The following PRKAR1B variants were observed in gnomAD, a reference collection of about 807,000 sequenced individuals.
PRKAR1B encodes protein kinase cAMP-dependent type I regulatory subunit beta, also known as cAMP-dependent protein kinase type I-beta regulatory subunit.
PRKAR1B carries 22 observed loss-of-function variants against 46.5 expected under a neutral mutation model. The ratio of observed to expected loss-of-function variants is 0.47; its 90% CI spans 0.34 to 0.68. The LOEUF is 0.68. Among genes scored for constraint, PRKAR1B ranks in the 30% least tolerant of loss-of-function variants. PRKAR1B has a pLI of 0.01. For missense variants in PRKAR1B, 445 were observed against 535.6 expected (o/e 0.83, Z 1.67); for synonymous variants, 259 against 217.7 (o/e 1.19, Z -1.67).
chr7:590,460 C>G lies in PRKAR1B; in HGVS notation c.708+5686G>C, dbSNP rs568927699. Among the ~76,000 whole-genome samples the G allele has an allele frequency of 2.0e-5, 3 of 152,332 alleles. No homozygotes were observed. The East Asian group carries it at 5.8e-4, about 29-fold the overall frequency. ...GTGCCCAGTCCAGGGGACCAAGAGA[C>G]CAGCAGGGTGGGGGCGGGGCCCCGA... On this transcript the variant is annotated intron_variant, in intron 7 of 10. Coordinates refer to ENST00000537384, the MANE Select transcript of PRKAR1B (RefSeq NM_001164760.2).
intron 9 of PRKAR1B, among the ~76,000 whole-genome samples, chr7:578,324 A>C (rs892465951): frequency 6.6e-6 from 1 of 152,202 alleles, no homozygotes; most frequent in African/African-American, 2.4e-5. Context: ...CTGCGGCCCC[A>C]GCACATCCCG....
intron 1 of PRKAR1B, chr7:726,587 C>G (rs1352578425): frequency 8.7e-6 from 5 of 577,918 alleles, no homozygotes; most frequent in Non-Finnish European, 1.2e-5. Context: ...GACAAGAGCA[C>G]AGGCCCACGT....
chr7:566,686 C>CAT (rs1779188554), intron 9 of PRKAR1B, among the ~76,000 whole-genome samples: 2 of 72 alleles, frequency 0.028, no homozygotes, highest in African/African-American at 0.05. Context: ...CCATCACCAT[C>CAT]ATCACCATCA....
At chr7:553,414 G>A (rs778611189) in intron 9 of PRKAR1B, among the ~76,000 whole-genome samples, 5 of 152,194 alleles carry the variant, frequency 3.3e-5, no homozygotes, top group Admixed American at 2.0e-4. Flanking sequence ...AGGGCCCCGC[G>A]TCTGCCGCAG....
At chr7:575,066 A>C (rs1779740966) in intron 9 of PRKAR1B, among the ~76,000 whole-genome samples, 2 of 152,236 alleles carry the variant, frequency 1.3e-5, no homozygotes, top group Non-Finnish European at 2.9e-5. Flanking sequence ...CCATTCCTGA[A>C]GTCAGCGACT....
At chr7:648,823 G>A (rs1006062272) in intron 4 of PRKAR1B, among the ~76,000 whole-genome samples, 1 of 151,428 alleles carries the variant, frequency 6.6e-6, no homozygotes, top group African/African-American at 2.4e-5. Flanking sequence ...AAACCCATAG[G>A]GATTGGACAC....
intron 6 of PRKAR1B, among the ~76,000 whole-genome samples, chr7:601,660 C>G (rs909737580): frequency 6.6e-6 from 1 of 152,258 alleles, no homozygotes; most frequent in African/African-American, 2.4e-5. Context: ...CACCCCTGCC[C>G]TGGCTGGAAA....
In PRKAR1B at chr7:550,173, G is replaced by A. The variant is rs1209990733; in HGVS notation, c.*257C>T. 1 of 479,926 alleles carries A rather than the reference G, an allele frequency of 2.1e-6. No homozygotes were observed. The highest frequency in any genetic ancestry group is 2.0e-5 in the African/African-American group (1 of 50,026). The allele number at this position is 479,926 out of a possible 1,614,324, so 29.7% of individuals were successfully genotyped here. On this transcript the variant is annotated 3_prime_UTR_variant, in exon 11 of 11. Transcript: ENST00000537384. ...GGAGAAGCCCACAGAGGCAGCCGGG[G>A]AGGCGTGTGGGGAGGAAGCTGGCCT...
At chr7:609,484 G>T (rs1487737597) in intron 4 of PRKAR1B, among the ~76,000 whole-genome samples, 2 of 152,012 alleles carry the variant, frequency 1.3e-5, no homozygotes, top group Non-Finnish European at 2.9e-5. Flanking sequence ...GCCTCCTCCG[G>T]GCCCAGGTGT....
intron 9 of PRKAR1B, among the ~76,000 whole-genome samples, chr7:573,773 G>T (rs538295501): frequency 4.6e-4 from 70 of 152,354 alleles, no homozygotes; most frequent in African/African-American, 1.6e-3. Flanking sequence ...GCAAGACTGG[G>T]ATCGCGGAGT....
At chr7:642,836 G>GTTC (rs1256470176) in intron 4 of PRKAR1B, among the ~76,000 whole-genome samples, 3 of 151,502 alleles carry the variant, frequency 2.0e-5, no homozygotes, top group African/African-American at 7.3e-5. Flanking sequence ...AGCACACTCG[G>GTTC]TTCACCACAG....
chr7:693,333 C>A (rs1475053165), intron 2 of PRKAR1B, among the ~76,000 whole-genome samples: 1 of 151,670 alleles, frequency 6.6e-6, no homozygotes, highest in Non-Finnish European at 1.5e-5. Context: ...TCGACACATT[C>A]ACCGTGCTGT....
At position 697,912 on chromosome 7, in the gene PRKAR1B, G is replaced by A. The variant is rs1052392235; in HGVS notation, c.177+13417C>T. 1.5e-4 allele frequency among the ~76,000 whole-genome samples: 17 copies of A among 116,910 alleles called. No homozygotes were observed. In the East Asian group the frequency reaches 3.3e-3, roughly 23 times the overall value. The allele number at this position is 116,910 out of a possible 152,430, so 76.7% of individuals were successfully genotyped here. On this transcript the variant is annotated intron_variant, in intron 2 of 10. Transcript: ENST00000537384. ...GAGAAGGGAAGAGAAGGGAAGGGAAGGGAGGGGAGGGGAGGGGAGGGAAGG... is the reference window on the plus strand; with the variant it reads ...GAGAAGGGAAGAGAAGGGAAGGGAAAGGAGGGGAGGGGAGGGGAGGGAAGG...
chr7:604,836 C>A (rs1464874889), intron 6 of PRKAR1B, among the ~76,000 whole-genome samples: 1 of 152,112 alleles, frequency 6.6e-6, no homozygotes, highest in African/African-American at 2.4e-5. Flanking sequence ...AGGCCACCTC[C>A]TGGGGCAGGT....
intron 4 of PRKAR1B, among the ~76,000 whole-genome samples, chr7:634,958 G>T (rs1783964055): frequency 6.6e-6 from 1 of 152,084 alleles, no homozygotes; most frequent in Non-Finnish European, 1.5e-5. Context: ...ACTCTCAAAT[G>T]ATCCAAATAA....
chr7:677,194 G>A, intron 4 of PRKAR1B, 35 bp downstream of exon 4: 6 of 1,605,334 alleles, frequency 3.7e-6, no homozygotes, highest in South Asian at 1.1e-5. Flanking sequence ...GAGGAGGGCG[G>A]CGGTGATGCC....
intron 7 of PRKAR1B, among the ~76,000 whole-genome samples, chr7:591,277 C>T (rs1481058161): frequency 6.6e-6 from 1 of 152,232 alleles, no homozygotes; most frequent in Non-Finnish European, 1.5e-5. Context: ...CCGAGCTGGC[C>T]GGTGGGCACT....
rs1357222765 is a variant in PRKAR1B at position 714,461 on chromosome 7, C to A, written c.-22-2934G>T. On this transcript the variant is annotated intron_variant, in intron 1 of 10. Coordinates refer to ENST00000537384, the MANE Select transcript of PRKAR1B (RefSeq NM_001164760.2). The surrounding 1 kb of genome is among the most constrained non-coding windows in gnomAD (Gnocchi z 4.3). The stretch of plus-strand genomic sequence containing the variant: ...GGCAGCATGCACGTGGCCAGCCAGA[C>A]ATGCGGCCCCTGGCCCCACTGAGCT... 6.6e-6 allele frequency among the ~76,000 whole-genome samples: 1 copy of A among 152,226 alleles called. No homozygotes were observed. The highest frequency in any genetic ancestry group is 1.5e-5 in the Non-Finnish European group (1 of 68,040).
chr7:667,023 GTGATGGTGATGATGATAA>G lies in PRKAR1B; in HGVS notation c.440+10188_440+10205del, dbSNP rs933514602. On this transcript the variant is annotated intron_variant, in intron 4 of 10. Transcript: ENST00000537384. The surrounding 1 kb of genome is among the most constrained non-coding windows in gnomAD (Gnocchi z 4.3). ...AATGGTGGTGATGAGGATGGTGGTG[GTGATGGTGATGATGATAA>G]TGATGGTGATGATGACAGTGATGAT... is the stretch of plus-strand genomic sequence containing the variant. Among the ~76,000 whole-genome samples, 2 of 152,152 alleles carry G rather than the reference GTGATGGTGATGATGATAA, an allele frequency of 1.3e-5. No individual in the cohort carries two copies. The highest frequency in any genetic ancestry group is 2.9e-5 in the Non-Finnish European group (2 of 68,026).
Sources: allele counts gnomAD v4.1 joint callset (sites outside exome capture counted in the v4.1 genomes callset), GRCh38; gene constraint gnomAD v4.1.1; non-coding constraint Gnocchi (gnomAD v3.1); transcripts MANE v1.5; gene names NCBI Gene and HGNC (gene_info 2026-07-23, HGNC 2026-07-21).